CERS3: variants seen among roughly 807,000 people sequenced by gnomAD.
The protein encoded by CERS3 is ceramide synthase 3, also known as LAG1 homolog, ceramide synthase 3.
In CERS3, 33 loss-of-function variants were observed where a neutral mutation model predicts 50.3. That is an observed-to-expected ratio of 0.66 (90% CI 0.50 to 0.88). CERS3 has a LOEUF of 0.88. CERS3 is among the 40% of genes least tolerant of loss of function. CERS3 has a pLI of 0.00. For synonymous variants in CERS3, 176 were observed against 155.2 expected (o/e 1.13, Z -0.99); for missense variants, 470 against 460.3 (o/e 1.02, Z -0.19).
chr15:100,516,943 C>A (rs185088112), intron 2 of CERS3, among the ~76,000 whole-genome samples: 5 of 152,184 alleles, frequency 3.3e-5, no homozygotes, highest in Non-Finnish European at 7.3e-5. Context: ...CAGGACCTAG[C>A]GACCTGCTAA....
chr15:100,437,245 T>C (rs1022890331), intron 11 of CERS3, among the ~76,000 whole-genome samples: 2 of 152,176 alleles, frequency 1.3e-5, no homozygotes, highest in African/African-American at 2.4e-5. Flanking sequence ...GCACCTGGCC[T>C]ACATTGACAG....
At chr15:100,487,642 G>A (rs1334880111) in intron 4 of CERS3, among the ~76,000 whole-genome samples, 1 of 152,208 alleles carries the variant, frequency 6.6e-6, no homozygotes, top group Non-Finnish European at 1.5e-5. Context: ...TGGCCTAAAG[G>A]AGGAGTGCTG....
chr15:100,403,576 G>A (rs2030730548), intron 11 of CERS3, among the ~76,000 whole-genome samples: 1 of 152,144 alleles, frequency 6.6e-6, no homozygotes, highest in Non-Finnish European at 1.5e-5. Flanking sequence ...TATAGATACT[G>A]CAGACAATAT....
At chr15:100,512,741 C>G (rs951622141) in intron 2 of CERS3, among the ~76,000 whole-genome samples, 5 of 152,068 alleles carry the variant, frequency 3.3e-5, no homozygotes, top group African/African-American at 1.2e-4. Flanking sequence ...TACTCTAATA[C>G]TAGATATCAA....
At chr15:100,431,065 C>T (rs1256000353) in intron 11 of CERS3, among the ~76,000 whole-genome samples, 1 of 152,154 alleles carries the variant, frequency 6.6e-6, no homozygotes, top group African/African-American at 2.4e-5. Context: ...AGTCCCTGGA[C>T]TGTACCTGGG....
At chr15:100,411,196 C>T (rs1455046747) in intron 11 of CERS3, among the ~76,000 whole-genome samples, 2 of 152,076 alleles carry the variant, frequency 1.3e-5, no homozygotes, top group East Asian at 3.9e-4. Flanking sequence ...CAGTTTCATT[C>T]TCGTTGCCCA....
intron 2 of CERS3, among the ~76,000 whole-genome samples, chr15:100,520,041 G>C (rs1193351708): frequency 6.6e-6 from 1 of 152,166 alleles, no homozygotes; most frequent in Non-Finnish European, 1.5e-5. Context: ...AGACTTGCTA[G>C]GTGATCAAGG....
chr15:100,406,964 A>G (rs910452130), intron 11 of CERS3, among the ~76,000 whole-genome samples: 26 of 152,190 alleles, frequency 1.7e-4, no homozygotes, highest in Non-Finnish European at 3.7e-4. Context: ...TGTGCAGGGG[A>G]ACTCCTCTTT....
At chr15:100,487,380 C>T (rs2035519212) in intron 4 of CERS3, among the ~76,000 whole-genome samples, 1 of 152,188 alleles carries the variant, frequency 6.6e-6, no homozygotes, top group Non-Finnish European at 1.5e-5. Context: ...CAATTTGATC[C>T]TCACAAGAGC....
At chr15:100,458,374 C>T (rs1009052379) in intron 10 of CERS3, among the ~76,000 whole-genome samples, 7 of 151,988 alleles carry the variant, frequency 4.6e-5, no homozygotes, top group Non-Finnish European at 1.5e-5. Flanking sequence ...TACCTGAGGT[C>T]AGGAGTTCAA....
rs143468543 is a variant in CERS3 at position 100,446,605 on chromosome 15, C to A, written c.999+9288G>T. Among the ~76,000 whole-genome samples the A allele has an allele frequency of 3.0e-3, 453 of 152,260 alleles. 5 individuals are homozygous for A. Among genetic ancestry groups the A allele is most frequent in the African/African-American group, 9.9e-3 (413 of 41,548 alleles). On this transcript the variant is annotated intron_variant, in intron 11 of 11. Coordinates refer to ENST00000679737, the MANE Select transcript of CERS3 (RefSeq NM_001378789.1). ...TAACTGCCAGCATCCTTGGTACACACAAGTCACTCAATCTGACAATATAGT... is the reference window on the plus strand; with the variant it reads ...TAACTGCCAGCATCCTTGGTACACAAAAGTCACTCAATCTGACAATATAGT...
At chr15:100,483,706 T>C (rs910573463) in intron 5 of CERS3, among the ~76,000 whole-genome samples, 2 of 151,752 alleles carry the variant, frequency 1.3e-5, no homozygotes, top group Non-Finnish European at 2.9e-5. Context: ...CAGTTTCTCA[T>C]TGAAACAGGA....
At chr15:100,458,070 C>T (rs961902385) in intron 10 of CERS3, among the ~76,000 whole-genome samples, 24 of 152,012 alleles carry the variant, frequency 1.6e-4, no homozygotes, top group African/African-American at 5.8e-4. Context: ...AAAATGTTGC[C>T]AAATTATTTT....
intron 2 of CERS3, among the ~76,000 whole-genome samples, chr15:100,513,000 T>C (rs2036389839): frequency 6.6e-6 from 1 of 152,234 alleles, no homozygotes; most frequent in Non-Finnish European, 1.5e-5. Flanking sequence ...TCACTGTTAC[T>C]AAACATAATT....
chr15:100,469,808 A>C (rs979636873), intron 9 of CERS3, among the ~76,000 whole-genome samples: 1 of 152,204 alleles, frequency 6.6e-6, no homozygotes, highest in Non-Finnish European at 1.5e-5. Context: ...CAATTTTGGC[A>C]TGCACTTCAT....
intron 1 of CERS3, among the ~76,000 whole-genome samples, chr15:100,527,900 A>G (rs1596817380): frequency 6.7e-6 from 1 of 149,704 alleles, no homozygotes; most frequent in Non-Finnish European, 1.5e-5. Context: ...TTATCCAGAA[A>G]TTCTACTGAA....
rs78961631 is a variant in CERS3 at position 100,403,776 on chromosome 15, G to A, written c.1000-911C>T. On this transcript the variant is annotated intron_variant, in intron 11 of 11. Coordinates refer to ENST00000679737, the MANE Select transcript of CERS3 (RefSeq NM_001378789.1). ...AAAACCTGAAAAACAGCAGCACTAG[G>A]TCCAAATGTTTACACTGGTAAATTC... 7.9e-5 allele frequency among the ~76,000 whole-genome samples: 12 copies of A among 152,204 alleles called. 1 individual carries two copies. In the East Asian group the frequency reaches 2.3e-3, roughly 29 times the overall value.
At chr15:100,468,931 A>T in intron 10 of CERS3, among the ~76,000 whole-genome samples, 1 of 152,220 alleles carries the variant, frequency 6.6e-6, no homozygotes, top group East Asian at 1.9e-4. Context: ...ACTCATCCTT[A>T]TGAGTTATTG....
At chr15:100,541,904 A>C (rs976279197) in intron 1 of CERS3, among the ~76,000 whole-genome samples, 2 of 152,072 alleles carry the variant, frequency 1.3e-5, no homozygotes, top group African/African-American at 4.8e-5. Context: ...ATCCTGTTAA[A>C]CTCTCGGCAA....
Sources: gnomAD v4.1 joint callset for allele counts (sites outside exome capture counted in the v4.1 genomes callset) on GRCh38, gnomAD v4.1.1 for gene constraint, MANE v1.5 for transcripts, NCBI Gene and HGNC (gene_info 2026-07-23, HGNC 2026-07-21) for gene names.